Variants in ASTN2 observed in about 807,000 individuals in gnomAD.
The protein encoded by ASTN2 is astrotactin 2, also known as astrotactin-2.
ASTN2 carries 54 observed loss-of-function variants against 139.8 expected under a neutral mutation model. The ratio of observed to expected loss-of-function variants is 0.39; its 90% confidence interval spans 0.31 to 0.48. The LOEUF (loss-of-function observed/expected upper bound fraction) is 0.48, where lower values mean the gene tolerates loss of function less well. ASTN2 is among the 20% of genes least tolerant of loss of function. The pLI is 0.95. For synonymous variants in ASTN2, 756 were observed against 719.5 expected (o/e 1.05, Z -0.81); for missense variants, 1,565 against 1,725.1 (o/e 0.91, Z 1.64).
At chr9:117,295,397 A>G (rs1050512878) in intron 1 of ASTN2, among the ~76,000 whole-genome samples, 21 of 152,232 alleles carry the variant, frequency 1.4e-4, no homozygotes, top group South Asian at 8.3e-4. Flanking sequence ...TTCCTTGAAC[A>G]TGTGTTTATT....
intron 3 of ASTN2, among the ~76,000 whole-genome samples, chr9:117,179,947 G>T (rs1831015066): frequency 6.6e-6 from 1 of 152,144 alleles, no homozygotes; most frequent in Non-Finnish European, 1.5e-5. Flanking sequence ...GAGATCATTG[G>T]TTCTCATTTG....
In ASTN2 at chr9:116,554,174, C is replaced by G. The variant is rs529693618; in HGVS notation, c.3355+64150G>C. Among the ~76,000 whole-genome samples, 46 of 152,224 alleles carry G rather than the reference C, an allele frequency of 3.0e-4. No individual in the cohort carries two copies. The South Asian group carries it at 8.5e-3, about 28-fold the overall frequency. On this transcript the variant is annotated intron_variant, in intron 19 of 22. Transcript: ENST00000313400. ...AAAATATGCAGTGGTAGATAGAATG[C>G]TGAATATGTATTATCTCTCGTAATG...
intron 13 of ASTN2, among the ~76,000 whole-genome samples, chr9:116,772,486 C>T (rs1212051382): frequency 1.3e-5 from 2 of 152,154 alleles, no homozygotes; most frequent in African/African-American, 4.8e-5. Context: ...TACCCAGCCT[C>T]AAGTATGTAT....
chr9:117,369,775 G>T (rs1175360105), intron 1 of ASTN2, among the ~76,000 whole-genome samples: 2 of 152,048 alleles, frequency 1.3e-5, no homozygotes, highest in African/African-American at 4.8e-5. Flanking sequence ...CTTCTACTGA[G>T]GCAGGAAGAT....
chr9:116,863,685 C>G lies in ASTN2; in HGVS notation c.1938G>C (p.Leu646=). ...STYFETINDL[L]SSFGPVRDCS... is the part of the protein sequence containing the mutation. The stretch of plus-strand genomic sequence containing the variant: ...AGTCACGAACTGGCCCGAAGGAAGA[C>G]AGCAGGTCATTGATGGTTTCAAAGT... Residue 646 remains leucine, a synonymous_variant, in exon 11 of 23, where the codon CTG becomes CTC. Coordinates refer to ENST00000313400, the MANE Select transcript of ASTN2 (RefSeq NM_001365068.1). The G allele has an allele frequency of 6.2e-7, 1 of 1,614,196 alleles. No homozygotes were observed. Among genetic ancestry groups the G allele is most frequent in the Non-Finnish European group, 8.5e-7 (1 of 1,180,018 alleles).
chr9:117,275,907 A>G (rs1185457591), intron 2 of ASTN2, among the ~76,000 whole-genome samples: 1 of 152,006 alleles, frequency 6.6e-6, no homozygotes, highest in African/African-American at 2.4e-5. Context: ...AATAACCTTA[A>G]TTACCTCCTT....
intron 7 of ASTN2, among the ~76,000 whole-genome samples, chr9:117,001,818 A>G (rs1351246213): frequency 6.6e-6 from 1 of 152,004 alleles, no homozygotes; most frequent in Non-Finnish European, 1.5e-5. Context: ...TTTATACTAC[A>G]CTGTGTTTTT....
At chr9:117,012,564 A>G (rs927586796) in intron 6 of ASTN2, among the ~76,000 whole-genome samples, 2 of 152,338 alleles carry the variant, frequency 1.3e-5, no homozygotes, top group East Asian at 1.9e-4. Flanking sequence ...TATCTTTAAT[A>G]CAACCTACAG....
intron 1 of ASTN2, among the ~76,000 whole-genome samples, chr9:117,332,472 G>A (rs1344761527): frequency 1.3e-5 from 2 of 152,156 alleles, no homozygotes; most frequent in African/African-American, 4.8e-5. Context: ...AGGAGGCTGT[G>A]TGAGAATCGC....
chr9:117,277,979 C>T (rs773481153), intron 2 of ASTN2, among the ~76,000 whole-genome samples: 1 of 152,178 alleles, frequency 6.6e-6, no homozygotes, highest in East Asian at 1.9e-4. Context: ...TTTTCTACCT[C>T]AATTCCAACC....
intron 1 of ASTN2, among the ~76,000 whole-genome samples, chr9:117,389,783 A>G (rs1189982764): frequency 6.6e-6 from 1 of 152,182 alleles, no homozygotes; most frequent in Non-Finnish European, 1.5e-5. Context: ...TGTCCTTGAA[A>G]AGTTTAGTCT....
At chr9:116,565,401 A>C (rs1226238372) in intron 19 of ASTN2, among the ~76,000 whole-genome samples, 9,935 of 70,212 alleles carry the variant, frequency 0.14, 1,258 homozygotes, top group Non-Finnish European at 0.17. Flanking sequence ...ATATATATAT[A>C]TATATATATA....
At chr9:116,733,652 G>A in intron 13 of ASTN2, 129 bp from the exon 14 acceptor site, 1 of 1,211,326 alleles carries the variant, frequency 8.3e-7, no homozygotes, top group East Asian at 2.4e-5. Context: ...TAATGCCTCT[G>A]GTTTCCTGAA....
chr9:116,866,720 A>G (rs1588367006), intron 10 of ASTN2, among the ~76,000 whole-genome samples: 1 of 151,994 alleles, frequency 6.6e-6, no homozygotes, highest in East Asian at 1.9e-4. Flanking sequence ...TAACATGGTG[A>G]AACCTCGTCT....
chr9:116,619,596 T>A lies in ASTN2; in HGVS notation c.3206+714A>T, dbSNP rs1406715924. ...TGTAGTGCAGTGGTGAAAGCATGGA[T>A]CACTGCAGCCTTGAATTCCTGGGCT... On this transcript the variant is annotated intron_variant, in intron 18 of 22. Transcript: ENST00000313400. Among the ~76,000 whole-genome samples, 7 of 151,914 alleles carry A rather than the reference T, an allele frequency of 4.6e-5. No homozygotes were observed. The East Asian group carries it at 5.8e-4, about 13-fold the overall frequency.
At chr9:116,502,691 G>A (rs371296307) in intron 19 of ASTN2, among the ~76,000 whole-genome samples, 1 of 13,564 alleles carries the variant, frequency 7.4e-5, no homozygotes, top group Non-Finnish European at 1.6e-4. Flanking sequence ...AAGAAGGAAG[G>A]AAGGAAGGAA....
At chr9:117,164,554 C>G (rs908274971) in intron 3 of ASTN2, among the ~76,000 whole-genome samples, 2 of 152,048 alleles carry the variant, frequency 1.3e-5, no homozygotes, top group Non-Finnish European at 2.9e-5. Context: ...TAAACCCCTG[C>G]CCCCCAATCC....
chr9:116,922,277 A>G (rs1033285352), intron 10 of ASTN2, among the ~76,000 whole-genome samples: 4 of 152,230 alleles, frequency 2.6e-5, no homozygotes, highest in African/African-American at 9.6e-5. Context: ...ATGTGTACCC[A>G]TAACAAATTA....
chr9:117,036,464 T>C (rs975824321), intron 6 of ASTN2, among the ~76,000 whole-genome samples: 1 of 152,196 alleles, frequency 6.6e-6, no homozygotes, highest in African/African-American at 2.4e-5. Context: ...CCAAGGATAG[T>C]CATATCTTAC....
Sources: allele counts gnomAD v4.1 joint callset (sites outside exome capture counted in the v4.1 genomes callset), GRCh38; gene constraint gnomAD v4.1.1; transcripts MANE v1.5; gene names NCBI Gene and HGNC (gene_info 2026-07-23, HGNC 2026-07-21).